Variants in RAPGEF4 observed in about 807,000 individuals in gnomAD.
RAPGEF4 encodes RAP guanine-nucleotide-exchange factor (GEF) 4.
RAPGEF4 carries 66 observed loss-of-function variants against 147.9 expected under a neutral mutation model. The observed-to-expected ratio is 0.45, with a 90% confidence interval of 0.37 to 0.55. The LOEUF (loss-of-function observed/expected upper bound fraction) is 0.55, where lower values mean the gene tolerates loss of function less well. Ranked by LOEUF, RAPGEF4 falls within the 20% of genes least tolerant of loss-of-function variation. RAPGEF4 has a pLI of 0.00. For missense variants in RAPGEF4, 1,071 were observed against 1,257.3 expected, an observed-to-expected ratio of 0.85 and a Z score of 2.24; for synonymous variants, 419 against 442.7, an observed-to-expected ratio of 0.95 and a Z score of 0.67.
chr2:172,992,874 C>T (rs1355257989), intron 15 of RAPGEF4, among the ~76,000 whole-genome samples: 1 of 152,020 alleles, frequency 6.6e-6, no homozygotes, highest in East Asian at 1.9e-4. Flanking sequence ...CTCAAGGGGT[C>T]ATTTTCCATG....
chr2:172,807,386 A>G (rs189744007), intron 3 of RAPGEF4, among the ~76,000 whole-genome samples: 3 of 152,364 alleles, frequency 2.0e-5, no homozygotes, highest in Admixed American at 6.5e-5. Flanking sequence ...TTTATTGAAC[A>G]TGCTGATTCC....
chr2:173,001,278 A>G lies in RAPGEF4; in HGVS notation c.1592A>G (p.Asn531Ser). The change falls in exon 17 of 31, where the codon AAT (asparagine) becomes AGT (serine). Residue 531 changes from asparagine (N) to serine (S), a missense_variant. Coordinates refer to ENST00000397081, the MANE Select transcript of RAPGEF4 (RefSeq NM_007023.4). ...TLNEATDSVL[N>S]DFIMMHCVFM... ...TTTCCCCTTCCAGATTCTGTTTTAA[A>G]TGACTTTATTATGATGCACTGTGTT... 1 of 1,613,956 alleles carries G rather than the reference A, an allele frequency of 6.2e-7. No individual in the cohort carries two copies. Among genetic ancestry groups the G allele is most frequent in the Non-Finnish European group, 8.5e-7 (1 of 1,179,932 alleles).
At chr2:172,878,388 T>C (rs1382089358) in intron 4 of RAPGEF4, among the ~76,000 whole-genome samples, 1 of 152,244 alleles carries the variant, frequency 6.6e-6, no homozygotes, top group Non-Finnish European at 1.5e-5. Context: ...AGAAGGATTC[T>C]CTGTGACAGT....
rs1222200032 is a variant in RAPGEF4 at position 172,911,757 on chromosome 2, C to A, written c.445-6045C>A. ...TACAGACATGAACCACTGTGCTAAG[C>A]CTTTTTTTTTTTTTTTTTTTTTTTT... On this transcript the variant is annotated intron_variant, in intron 4 of 30. Coordinates refer to ENST00000397081, the MANE Select transcript of RAPGEF4 (RefSeq NM_007023.4). 1.0e-3 allele frequency among the ~76,000 whole-genome samples: 125 copies of A among 125,070 alleles called. 2 individuals are homozygous for A. The highest frequency in any genetic ancestry group is 4.4e-3 in the Middle Eastern group (1 of 226). 82.1% of individuals were successfully genotyped at this position (125,070 alleles called of 152,430 possible).
intron 12 of RAPGEF4, 151 bp from the exon 13 acceptor site, chr2:172,988,045 C>A: frequency 1.7e-6 from 2 of 1,200,980 alleles, no homozygotes; most frequent in Non-Finnish European, 2.2e-6. Context: ...AGATAATGTG[C>A]CACCTGAACA....
chr2:172,887,993 G>A (rs1161611621), intron 4 of RAPGEF4, among the ~76,000 whole-genome samples: 2 of 151,982 alleles, frequency 1.3e-5, no homozygotes, highest in African/African-American at 4.8e-5. Context: ...TCACATTCTT[G>A]TGTTTATCTC....
intron 1 of RAPGEF4, among the ~76,000 whole-genome samples, chr2:172,783,218 G>C (rs899239499): frequency 1.3e-5 from 2 of 152,142 alleles, no homozygotes; most frequent in Non-Finnish European, 2.9e-5. Context: ...TCCATCGGCC[G>C]AGGACAGAGT....
At chr2:172,750,964 T>C (rs1485105332) in intron 1 of RAPGEF4, among the ~76,000 whole-genome samples, 5 of 152,250 alleles carry the variant, frequency 3.3e-5, no homozygotes, top group Non-Finnish European at 5.9e-5. Flanking sequence ...TTGATTGTTT[T>C]GCTGTGCAGT....
intron 6 of RAPGEF4, among the ~76,000 whole-genome samples, chr2:172,945,829 C>T (rs970850349): frequency 6.6e-5 from 10 of 152,136 alleles, no homozygotes; most frequent in Admixed American, 1.3e-4. Flanking sequence ...TGGCTATGTT[C>T]AAGTGGCCAA....
intron 4 of RAPGEF4, among the ~76,000 whole-genome samples, chr2:172,899,189 G>T (rs1698818356): frequency 1.3e-5 from 2 of 152,166 alleles, no homozygotes; most frequent in Admixed American, 6.5e-5. Context: ...TAGATTTTGT[G>T]TTGGCTGGTA....
chr2:172,916,327 G>A (rs1684067371), intron 4 of RAPGEF4, among the ~76,000 whole-genome samples: 2 of 152,168 alleles, frequency 1.3e-5, no homozygotes, highest in Admixed American at 1.3e-4. Context: ...TCTTTTAGGA[G>A]CCTGTTAGGG....
In RAPGEF4 at chr2:173,001,993, C is replaced by CAAAAAAAAAAAA. The variant is rs11397728; in HGVS notation, c.1658+660_1658+671dup. ...GCTTACCACAGGAAGGTGATGCTGG[C>CAAAAAAAAAAAA]AAAAAAAAAAAAAAAAAAAAAATCC... is the stretch of plus-strand genomic sequence containing the variant. On this transcript the variant is annotated intron_variant, in intron 17 of 30. Transcript: ENST00000397081. Among the ~76,000 whole-genome samples the CAAAAAAAAAAAA allele has an allele frequency of 1.9e-4, 15 of 79,322 alleles. 1 individual carries two copies. The highest frequency in any genetic ancestry group is 6.7e-4 in the East Asian group (1 of 1,490). The allele number at this position is 79,322 out of a possible 152,430, so 52.0% of individuals were successfully genotyped here.
At chr2:172,792,891 G>T (rs760709364) in intron 1 of RAPGEF4, among the ~76,000 whole-genome samples, 1 of 152,132 alleles carries the variant, frequency 6.6e-6, no homozygotes, top group Non-Finnish European at 1.5e-5. Context: ...CCATCTTGTG[G>T]CTATGGCATG....
chr2:172,746,088 C>T (rs1036276713), intron 1 of RAPGEF4, among the ~76,000 whole-genome samples: 6 of 152,076 alleles, frequency 3.9e-5, no homozygotes, highest in Admixed American at 1.3e-4. Context: ...GAGCCGTTAA[C>T]AATGATTATG....
chr2:172,866,991 C>T (rs1206460335), intron 4 of RAPGEF4, among the ~76,000 whole-genome samples: 1 of 149,554 alleles, frequency 6.7e-6, no homozygotes, highest in East Asian at 2.0e-4. Context: ...CTTGCTGTCA[C>T]CCAGGCTGCC....
At chr2:172,827,398 T>G (rs1242920723) in intron 4 of RAPGEF4, among the ~76,000 whole-genome samples, 1 of 152,118 alleles carries the variant, frequency 6.6e-6, no homozygotes, top group African/African-American at 2.4e-5. Context: ...GACTTTACCC[T>G]TCAGTATTTC....
chr2:173,006,975 T>A lies in RAPGEF4; in HGVS notation c.1658+5631T>A, dbSNP rs116154180. ...AGGAAGACTTTGTTTGGTGATGTTATGAACATGATATGCTTTTTGGGAAAA... is the reference window on the plus strand; with the variant it reads ...AGGAAGACTTTGTTTGGTGATGTTAAGAACATGATATGCTTTTTGGGAAAA... On this transcript the variant is annotated intron_variant, in intron 17 of 30. Coordinates refer to ENST00000397081, the MANE Select transcript of RAPGEF4 (RefSeq NM_007023.4). 7.5e-3 allele frequency among the ~76,000 whole-genome samples: 1,147 copies of A among 152,344 alleles called. 8 individuals carry two copies. The highest frequency in any genetic ancestry group is 0.025 in the African/African-American group (1,030 of 41,574).
At chr2:172,812,829 C>G (rs1688156889) in intron 3 of RAPGEF4, among the ~76,000 whole-genome samples, 1 of 152,164 alleles carries the variant, frequency 6.6e-6, no homozygotes, top group African/African-American at 2.4e-5. Flanking sequence ...TTCAGGGAAC[C>G]TGCTATTCCA....
At chr2:172,934,321 T>C (rs1686310470) in intron 6 of RAPGEF4, among the ~76,000 whole-genome samples, 1 of 151,944 alleles carries the variant, frequency 6.6e-6, no homozygotes, top group African/African-American at 2.4e-5. Context: ...GGCTAATTTT[T>C]GTATTTTTTA....
Sources: allele counts gnomAD v4.1 joint callset (sites outside exome capture counted in the v4.1 genomes callset), GRCh38; gene constraint gnomAD v4.1.1; transcripts MANE v1.5; gene names NCBI Gene and HGNC (gene_info 2026-07-23, HGNC 2026-07-21).